The following RSRC1 variants were observed in gnomAD, a reference collection of about 807,000 sequenced individuals.
RSRC1 encodes the protein arginine and serine rich coiled-coil 1.
In RSRC1, 39 loss-of-function variants were observed where a neutral mutation model predicts 49.1. The ratio of observed to expected loss-of-function variants is 0.79; its 90% CI spans 0.61 to 1.04. RSRC1 has a LOEUF of 1.04. Among genes scored for constraint, RSRC1 ranks in the 50% least tolerant of loss-of-function variants. The probability of loss-of-function intolerance (pLI) is 0.00; values close to 1 mark genes in which losing one functional copy is unlikely to be tolerated. For missense variants in RSRC1, 388 were observed against 402.4 expected (o/e 0.96, Z 0.31); for synonymous variants, 143 against 130.8 (o/e 1.09, Z -0.63).
intron 5 of RSRC1, among the ~76,000 whole-genome samples, chr3:158,337,283 A>G (rs948879570): frequency 6.6e-6 from 1 of 152,214 alleles, no homozygotes; most frequent in East Asian, 1.9e-4. Context: ...GACATTCATC[A>G]TCTGCACTTC....
At chr3:158,543,513 T>A in intron 9 of RSRC1, 26 bp downstream of exon 9, 1 of 1,578,538 alleles carries the variant, frequency 6.3e-7, no homozygotes, top group Non-Finnish European at 8.6e-7. Context: ...TTTACGAATG[T>A]CAGTTGAAGT....
chr3:158,284,835 T>C (rs1177466246), intron 4 of RSRC1, among the ~76,000 whole-genome samples: 2 of 149,866 alleles, frequency 1.3e-5, no homozygotes, highest in African/African-American at 2.4e-5. Flanking sequence ...TTCTCCCATT[T>C]TGTAGGTTGC....
At chr3:158,160,805 A>G (rs1718169449) in intron 3 of RSRC1, among the ~76,000 whole-genome samples, 1 of 152,222 alleles carries the variant, frequency 6.6e-6, no homozygotes, top group African/African-American at 2.4e-5. Flanking sequence ...ACTCTATGCT[A>G]GGAATTGTGG....
At position 158,257,237 on chromosome 3, in the gene RSRC1, G is replaced by A. The variant is rs551631854; in HGVS notation, c.495-40802G>A. On this transcript the variant is annotated intron_variant, in intron 4 of 9. Coordinates refer to ENST00000611884, the MANE Select transcript of RSRC1 (RefSeq NM_001271838.2). ...TACTATAAATTTCCCTCTACACACT[G>A]CTTTCAATGTGTCCCAGAGGTTCTG... Among the ~76,000 whole-genome samples, 4 of 152,244 alleles carry A rather than the reference G, an allele frequency of 2.6e-5. No individual in the cohort carries two copies. In the East Asian group the frequency reaches 7.7e-4, roughly 29 times the overall value.
chr3:158,337,335 A>T (rs900821749), intron 5 of RSRC1, among the ~76,000 whole-genome samples: 4 of 152,206 alleles, frequency 2.6e-5, no homozygotes, highest in Non-Finnish European at 4.4e-5. Context: ...TTCTGTCCCC[A>T]GTCCCACATC....
At chr3:158,486,606 A>G (rs770272041) in intron 7 of RSRC1, among the ~76,000 whole-genome samples, 10 of 152,052 alleles carry the variant, frequency 6.6e-5, no homozygotes, top group Non-Finnish European at 1.3e-4. Context: ...AATTGCTTAC[A>G]TTTTTCAAAT....
At chr3:158,113,342 C>A (rs556885110) in intron 1 of RSRC1, among the ~76,000 whole-genome samples, 11 of 150,870 alleles carry the variant, frequency 7.3e-5, no homozygotes, top group Non-Finnish European at 1.0e-4. Flanking sequence ...TGTCTCTCCA[C>A]AGCCTTGCCA....
intron 5 of RSRC1, among the ~76,000 whole-genome samples, chr3:158,334,145 A>C (rs1277789940): frequency 5.3e-5 from 8 of 152,198 alleles, no homozygotes; most frequent in Admixed American, 5.2e-4. Flanking sequence ...GCTAAATAAA[A>C]GAAGATACTA....
intron 4 of RSRC1, among the ~76,000 whole-genome samples, chr3:158,259,800 C>G (rs1158694142): frequency 2.0e-5 from 3 of 152,184 alleles, no homozygotes; most frequent in African/African-American, 7.2e-5. Flanking sequence ...AAGGCAAAGT[C>G]CTTTCTGCTC....
intron 6 of RSRC1, among the ~76,000 whole-genome samples, chr3:158,423,603 A>G (rs576706597): frequency 2.5e-3 from 377 of 152,170 alleles, no homozygotes; most frequent in Middle Eastern, 6.8e-3. Flanking sequence ...GTTTTTTCCA[A>G]TTCTGTGAAG....
chr3:158,146,356 C>G (rs951154759), intron 3 of RSRC1, among the ~76,000 whole-genome samples: 5 of 152,098 alleles, frequency 3.3e-5, no homozygotes, highest in African/African-American at 1.2e-4. Context: ...TGAATTTTGT[C>G]GAAGGCCTTT....
Position 158,180,396 on chromosome 3 carries a change from T to C in RSRC1, c.321-22676T>C, listed in dbSNP as rs1412255860. Among the ~76,000 whole-genome samples the C allele has an allele frequency of 2.5e-3, 220 of 86,316 alleles. 3 individuals are homozygous for C. Among genetic ancestry groups the C allele is most frequent in the African/African-American group, 0.013 (215 of 16,692 alleles). The allele number at this position is 86,316 out of a possible 152,430, so 56.6% of individuals were successfully genotyped here. On this transcript the variant is annotated intron_variant, in intron 3 of 9. Transcript: ENST00000611884. ...GTATGAGGTTTAGGTCGAGGTTCTT[T>C]TTTTTTTTTTTTTTTTTTTTGCCGT...
At chr3:158,369,604 T>G (rs1731959646) in intron 6 of RSRC1, among the ~76,000 whole-genome samples, 1 of 152,114 alleles carries the variant, frequency 6.6e-6, no homozygotes, top group Non-Finnish European at 1.5e-5. Context: ...AGACTGGACC[T>G]TCACATGTGT....
intron 4 of RSRC1, among the ~76,000 whole-genome samples, chr3:158,266,448 G>C (rs1559968485): frequency 6.6e-6 from 1 of 152,244 alleles, no homozygotes; most frequent in East Asian, 1.9e-4. Context: ...TATTCAGAAA[G>C]TATGCTTTGT....
At chr3:158,372,114 T>G (rs1732113564) in intron 6 of RSRC1, among the ~76,000 whole-genome samples, 2 of 151,838 alleles carry the variant, frequency 1.3e-5, no homozygotes, top group African/African-American at 4.8e-5. Flanking sequence ...TTTCACAGTT[T>G]GTGGCATGTT....
intron 7 of RSRC1, among the ~76,000 whole-genome samples, chr3:158,530,941 A>C (rs889255359): frequency 1.3e-5 from 2 of 150,154 alleles, no homozygotes; most frequent in East Asian, 3.9e-4. Flanking sequence ...TAAAAAAAAA[A>C]AAAAAACTCA....
At chr3:158,441,853 A>G (rs892903032) in intron 6 of RSRC1, among the ~76,000 whole-genome samples, 7 of 152,116 alleles carry the variant, frequency 4.6e-5, no homozygotes, top group Non-Finnish European at 7.4e-5. Flanking sequence ...GTGAATACAA[A>G]GGACCCTGAA....
chr3:158,115,184 T>C (rs544433115), intron 1 of RSRC1, among the ~76,000 whole-genome samples: 1 of 152,328 alleles, frequency 6.6e-6, no homozygotes, highest in African/African-American at 2.4e-5. Flanking sequence ...GGAAGGACTT[T>C]TGTTATCTTT....
At chr3:158,152,731 T>C (rs1717625458) in intron 3 of RSRC1, among the ~76,000 whole-genome samples, 1 of 152,206 alleles carries the variant, frequency 6.6e-6, no homozygotes, top group Non-Finnish European at 1.5e-5. Context: ...TTCCCAGAAG[T>C]AAATGAGATG....
Sources: allele counts gnomAD v4.1 joint callset (sites outside exome capture counted in the v4.1 genomes callset), GRCh38; gene constraint gnomAD v4.1.1; transcripts MANE v1.5; gene names NCBI Gene and HGNC (gene_info 2026-07-23, HGNC 2026-07-21).